The following GLIS3 variants were observed in gnomAD, a reference collection of about 807,000 sequenced individuals.
GLIS3 encodes the protein GLIS family zinc finger 3.
In GLIS3, 53 loss-of-function variants were observed where a neutral mutation model predicts 78.6. That is an observed-to-expected ratio of 0.67 (90% CI 0.54 to 0.85). The LOEUF is 0.85. Among genes scored for constraint, GLIS3 ranks in the 40% least tolerant of loss-of-function variants. The pLI is 0.00. For missense variants in GLIS3, 1,703 were observed against 1,231.1 expected (o/e 1.38, Z -5.74); for synonymous variants, 684 against 509.9 (o/e 1.34, Z -4.60).
chr9:4,176,967 G>C (rs771428280), intron 2 of GLIS3, among the ~76,000 whole-genome samples: 1 of 152,198 alleles, frequency 6.6e-6, no homozygotes, highest in Non-Finnish European at 1.5e-5. Context: ...CCAATTTGTA[G>C]AAATGCAGTT....
the GLIS3 span, among the ~76,000 whole-genome samples, chr9:4,378,683 T>C: frequency 6.6e-6 from 1 of 152,304 alleles, no homozygotes; most frequent in East Asian, 1.9e-4. Flanking sequence ...ATATGGACTA[T>C]GTAGAGAAGG....
At position 4,118,148 on chromosome 9, in the gene GLIS3, G is replaced by T. The variant is rs755318788; in HGVS notation, c.1330C>A (p.Pro444Thr). The change falls in exon 4 of 11, where the codon CCC becomes ACC. Residue 444 changes from proline (P) to threonine (T), a missense_variant. Pro to Thr is a conservative substitution (Grantham distance 38, BLOSUM62 -1). Transcript: ENST00000381971. This position sits in a 1 kb window ranked among gnomAD's most constrained non-coding sequence, Gnocchi z 4.7. ...AGAGGAGGGAGCGGAGGCGCGGGGG[G>T]TAGGTCTACGGTGCTGCCCGGGAAC... Reference protein sequence around the residue: ...EEFPGSTVDLPPAPPLPPLPP... With the variant: ...EEFPGSTVDLTPAPPLPPLPP... 3 of 1,555,032 alleles carry T rather than the reference G, an allele frequency of 1.9e-6. No homozygotes were observed. The highest frequency in any genetic ancestry group is 1.4e-5 in the African/African-American group (1 of 73,728).
intron 6 of GLIS3, among the ~76,000 whole-genome samples, chr9:3,932,050 G>T (rs2130777268): frequency 6.6e-6 from 1 of 152,188 alleles, no homozygotes; most frequent in South Asian, 2.1e-4. Flanking sequence ...AAAGCTTTTT[G>T]TTGCTTTCCA....
At chr9:4,472,879 T>G in the GLIS3 span, among the ~76,000 whole-genome samples, 21 of 152,306 alleles carry the variant, frequency 1.4e-4, no homozygotes, top group African/African-American at 5.1e-4. Flanking sequence ...CTGAAGATAA[T>G]TATTGTAAAA....
intron 2 of GLIS3, among the ~76,000 whole-genome samples, chr9:4,250,821 T>C (rs2129858814): frequency 6.6e-6 from 1 of 152,364 alleles, no homozygotes; most frequent in South Asian, 2.1e-4. Flanking sequence ...GTCTTTGTTC[T>C]CATTGGTTTC....
the GLIS3 span, among the ~76,000 whole-genome samples, chr9:4,429,198 A>T: frequency 1.4e-4 from 21 of 152,104 alleles, no homozygotes; most frequent in African/African-American, 5.1e-4. Context: ...AAATTTTATC[A>T]TGTTGCACCT....
the GLIS3 span, among the ~76,000 whole-genome samples, chr9:4,356,285 G>A: frequency 6.6e-6 from 1 of 152,148 alleles, no homozygotes; most frequent in African/African-American, 2.4e-5. Flanking sequence ...GGAGGACTGG[G>A]GACTGGTATG....
chr9:4,173,180 T>C (rs972373779), intron 2 of GLIS3, among the ~76,000 whole-genome samples: 2 of 152,168 alleles, frequency 1.3e-5, no homozygotes, highest in Admixed American at 1.3e-4. Context: ...GGTGTCATAC[T>C]AATATCACCA....
chr9:4,385,742 AAAGAAAGAAAGAAAGAAAG>A, the GLIS3 span, among the ~76,000 whole-genome samples: 1 of 28,198 alleles, frequency 3.5e-5, no homozygotes, highest in African/African-American at 2.1e-4. Context: ...AAAGAAAAAG[AAAGAAAGAAAGAAAGAAAG>A]AAAGAAAGAA....
chr9:4,145,526 C>A (rs879619293), intron 2 of GLIS3, among the ~76,000 whole-genome samples: 1 of 152,164 alleles, frequency 6.6e-6, no homozygotes, highest in Non-Finnish European at 1.5e-5. Flanking sequence ...GATATCGCAA[C>A]ACACAGTTCT....
At chr9:3,999,252 G>A (rs982928375) in intron 4 of GLIS3, among the ~76,000 whole-genome samples, 4 of 152,134 alleles carry the variant, frequency 2.6e-5, no homozygotes, top group Non-Finnish European at 5.9e-5. Flanking sequence ...TGATAGTGCT[G>A]TTGTTTCATA....
Position 4,335,385 on chromosome 9 carries a change from A to T in GLIS3, n.264+11696T>A, listed in dbSNP as rs184440094. ...GACAGCTAAACCAAATGGTTCAGTT[A>T]AAGTAAATCCTCAGTTGCTCGTAAA... On this transcript the variant is annotated intron_variant and non_coding_transcript_variant, in intron 2 of 4. Transcript: ENST00000471664. Among the ~76,000 whole-genome samples the T allele has an allele frequency of 3.1e-3, 474 of 152,364 alleles. 4 individuals carry two copies. The highest frequency in any genetic ancestry group is 0.011 in the African/African-American group (459 of 41,584).
chr9:4,377,034 C>A, the GLIS3 span, among the ~76,000 whole-genome samples: 8 of 135,136 alleles, frequency 5.9e-5, 1 homozygote, highest in African/African-American at 2.1e-4. Flanking sequence ...TTCCCTGACC[C>A]CTTTGTGCCT....
chr9:4,177,653 G>C (rs1160045968), intron 2 of GLIS3, among the ~76,000 whole-genome samples: 1 of 152,148 alleles, frequency 6.6e-6, no homozygotes, highest in African/African-American at 2.4e-5. Flanking sequence ...ACCTTTCCCA[G>C]GGTGTAAAAA....
Position 4,286,234 on chromosome 9 carries a change from T to C in GLIS3, c.192A>G (p.Ser64=). The C allele has an allele frequency of 6.2e-7, 1 of 1,614,188 alleles. No individual in the cohort carries two copies. Residue 64 remains serine, a synonymous_variant, in exon 2 of 11, where the codon TCA becomes TCG. Coordinates refer to ENST00000381971, the MANE Select transcript of GLIS3 (RefSeq NM_001042413.2). ...LANNLHLKMP[S]GGGMAPQNNV... ...TGTTCTGAGGAGCCATCCCTCCTCC[T>C]GAGGGCATCTTGAGATGGAGGTTGT...
At chr9:4,340,771 C>G (rs1324879778) in intron 2 of GLIS3, among the ~76,000 whole-genome samples, 1 of 152,188 alleles carries the variant, frequency 6.6e-6, no homozygotes, top group Non-Finnish European at 1.5e-5. Context: ...TCTCAACTCA[C>G]TGAACCTCCG....
At chr9:4,343,126 C>A (rs1463612051) in intron 2 of GLIS3, among the ~76,000 whole-genome samples, 1 of 152,098 alleles carries the variant, frequency 6.6e-6, no homozygotes, top group Non-Finnish European at 1.5e-5. Context: ...ATCACTTGAG[C>A]CCATGAATTT....
At chr9:4,192,267 T>G (rs1818397954) in intron 2 of GLIS3, among the ~76,000 whole-genome samples, 1 of 152,182 alleles carries the variant, frequency 6.6e-6, no homozygotes, top group Non-Finnish European at 1.5e-5. Flanking sequence ...GAAAATGTCT[T>G]TTAGAGTTTC....
intron 6 of GLIS3, among the ~76,000 whole-genome samples, chr9:3,923,128 G>A (rs1824999995): frequency 1.3e-5 from 2 of 152,176 alleles, no homozygotes. Flanking sequence ...AAAGACTGTT[G>A]ATTAATGGAA....
Sources: gnomAD v4.1 joint callset for allele counts (sites outside exome capture counted in the v4.1 genomes callset) on GRCh38, gnomAD v4.1.1 for gene constraint, Gnocchi (gnomAD v3.1) non-coding constraint, MANE v1.5 for transcripts, NCBI Gene and HGNC (gene_info 2026-07-23, HGNC 2026-07-21) for gene names.